Variants in DDX10 observed in about 807,000 individuals in gnomAD.
The protein encoded by DDX10 is probable ATP-dependent RNA helicase DDX10.
DDX10 carries 74 observed loss-of-function variants against 104.3 expected under a neutral mutation model. The observed-to-expected ratio is 0.71, with a 90% CI of 0.59 to 0.86. The LOEUF (loss-of-function observed/expected upper bound fraction) is 0.86, where lower values mean the gene tolerates loss of function less well. DDX10 is among the 40% of genes least tolerant of loss of function. The pLI, the probability that DDX10 is intolerant of heterozygous loss-of-function variation, is 0.00. For synonymous variants in DDX10, 351 were observed against 353.4 expected (o/e 0.99, Z 0.08); for missense variants, 952 against 1,040.0 (o/e 0.92, Z 1.16).
chr11:108,919,867 C>T (rs1374112077), intron 17 of DDX10: 1 of 152,098 alleles, frequency 6.6e-6, no homozygotes, highest in African/African-American at 2.4e-5. Context: ...ATGCTACCAC[C>T]TAGTTAATAG....
At chr11:108,878,744 C>T (rs1196290667) in intron 16 of DDX10, among the ~76,000 whole-genome samples, 5 of 151,796 alleles carry the variant, frequency 3.3e-5, no homozygotes, top group Admixed American at 1.3e-4. Flanking sequence ...GTTGCCAAGG[C>T]CATATGTTAG....
chr11:108,682,405 A>C (rs2094236700), intron 6 of DDX10, among the ~76,000 whole-genome samples: 1 of 152,156 alleles, frequency 6.6e-6, no homozygotes, highest in Non-Finnish European at 1.5e-5. Context: ...GTGCCTGGCC[A>C]ACTTTAAGTC....
At chr11:108,938,900 C>T (rs1289530400) in intron 17 of DDX10, among the ~76,000 whole-genome samples, 2 of 152,092 alleles carry the variant, frequency 1.3e-5, no homozygotes, top group Non-Finnish European at 2.9e-5. Flanking sequence ...TAATCCAGGC[C>T]GTTGGAAGTT....
chr11:108,793,572 G>C (rs1861899361), intron 13 of DDX10, among the ~76,000 whole-genome samples: 1 of 152,112 alleles, frequency 6.6e-6, no homozygotes, highest in South Asian at 2.1e-4. Context: ...TATAAATGGT[G>C]TTTTAAAAAA....
chr11:108,812,794 C>T (rs2134569632), intron 13 of DDX10, among the ~76,000 whole-genome samples: 1 of 151,920 alleles, frequency 6.6e-6, no homozygotes, highest in African/African-American at 2.4e-5. Context: ...CCAGCCTGGC[C>T]AACATGGTGA....
chr11:108,939,269 C>A (rs1864074141), intron 17 of DDX10, among the ~76,000 whole-genome samples: 1 of 152,116 alleles, frequency 6.6e-6, no homozygotes, highest in Admixed American at 6.6e-5. Context: ...CAAAAGCTTG[C>A]CTTTGGGGCT....
At chr11:108,778,732 T>G (rs940073204) in intron 13 of DDX10, among the ~76,000 whole-genome samples, 20 of 152,052 alleles carry the variant, frequency 1.3e-4, no homozygotes, top group Middle Eastern at 3.4e-3. Context: ...CATAGCAAAA[T>G]AAACTACCAT....
chr11:108,743,268 A>C (rs1474326728), intron 13 of DDX10, among the ~76,000 whole-genome samples: 1 of 152,194 alleles, frequency 6.6e-6, no homozygotes, highest in Non-Finnish European at 1.5e-5. Flanking sequence ...ATCAGAACTA[A>C]AAGCAAAAAC....
chr11:108,724,332 A>G (rs1191311998), intron 13 of DDX10, among the ~76,000 whole-genome samples: 1 of 152,098 alleles, frequency 6.6e-6, no homozygotes, highest in Non-Finnish European at 1.5e-5. Flanking sequence ...AATATGTGTT[A>G]TGTGTTAGTC....
chr11:108,801,807 C>G (rs1162584038), intron 13 of DDX10, among the ~76,000 whole-genome samples: 2 of 152,050 alleles, frequency 1.3e-5, no homozygotes, highest in Admixed American at 1.3e-4. Context: ...AACTGTCTTT[C>G]ACCACAATTA....
At chr11:108,940,106 A>G (rs762286636) in intron 17 of DDX10, 140 bp from the exon 18 acceptor site, 257 of 891,648 alleles carry the variant, frequency 2.9e-4, no homozygotes, top group Non-Finnish European at 4.0e-4. Context: ...CTTACTAATT[A>G]TACAGATATC....
At chr11:108,835,733 G>A (rs771448231) in intron 13 of DDX10, among the ~76,000 whole-genome samples, 14 of 151,940 alleles carry the variant, frequency 9.2e-5, no homozygotes, top group Non-Finnish European at 1.3e-4. Flanking sequence ...GATTTGGTCC[G>A]TGCCTAATTA....
chr11:108,774,018 G>A (rs1290207991), intron 13 of DDX10, among the ~76,000 whole-genome samples: 1 of 152,194 alleles, frequency 6.6e-6, no homozygotes, highest in Non-Finnish European at 1.5e-5. Context: ...AAATCACTTG[G>A]TGACTAGAGC....
chr11:108,817,091 T>C (rs1467991172), intron 13 of DDX10, among the ~76,000 whole-genome samples: 1 of 152,232 alleles, frequency 6.6e-6, no homozygotes, highest in Non-Finnish European at 1.5e-5. Context: ...AATTAGCCTA[T>C]GGCAAAATTG....
intron 4 of DDX10, among the ~76,000 whole-genome samples, chr11:108,677,580 C>G (rs948045049): frequency 1.3e-5 from 2 of 151,442 alleles, no homozygotes; most frequent in South Asian, 2.1e-4. Flanking sequence ...ATCTAAGAGG[C>G]TGAATAATTC....
rs148896199 is a variant in DDX10 at position 108,864,191 on chromosome 11, C to T, written c.2304+11982C>T. 3.9e-3 allele frequency among the ~76,000 whole-genome samples: 597 copies of T among 152,172 alleles called. 3 individuals are homozygous for T. The highest frequency in any genetic ancestry group is 0.014 in the African/African-American group (573 of 41,506). On this transcript the variant is annotated intron_variant, in intron 16 of 17. Coordinates refer to ENST00000322536, the MANE Select transcript of DDX10 (RefSeq NM_004398.4). ...TATACGTTGCCTTTTTAGGCAGGTT[C>T]GTTCTCAGATACTTAGGATTTAACC...
chr11:108,870,859 G>A (rs1863072352), intron 16 of DDX10, among the ~76,000 whole-genome samples: 1 of 152,176 alleles, frequency 6.6e-6, no homozygotes, highest in Non-Finnish European at 1.5e-5. Flanking sequence ...ACAAACAGTA[G>A]GTACTGAGTA....
At chr11:108,761,990 A>T (rs2094351398) in intron 13 of DDX10, among the ~76,000 whole-genome samples, 1 of 152,200 alleles carries the variant, frequency 6.6e-6, no homozygotes, top group South Asian at 2.1e-4. Context: ...CTCATTAAAA[A>T]TGAGTACAGT....
At chr11:108,675,974 C>G (rs2094224524) in intron 3 of DDX10, among the ~76,000 whole-genome samples, 1 of 152,206 alleles carries the variant, frequency 6.6e-6, no homozygotes, top group African/African-American at 2.4e-5. Flanking sequence ...TGTGCCTTGA[C>G]AAGTCATTAC....
Sources: gnomAD v4.1 joint callset for allele counts (sites outside exome capture counted in the v4.1 genomes callset) on GRCh38, gnomAD v4.1.1 for gene constraint, MANE v1.5 for transcripts, NCBI Gene and HGNC (gene_info 2026-07-23, HGNC 2026-07-21) for gene names.